The following CACNB2 variants were observed in gnomAD, a reference collection of about 807,000 sequenced individuals.
The protein encoded by CACNB2 is calcium voltage-gated channel auxiliary subunit beta 2, also known as voltage-dependent L-type calcium channel subunit beta-2.
A neutral mutation model predicts 73.3 loss-of-function variants in CACNB2; 42 were observed. The observed-to-expected ratio is 0.57, with a 90% confidence interval of 0.45 to 0.74. CACNB2 has a LOEUF of 0.74. Ranked by LOEUF, CACNB2 falls within the 30% of genes least tolerant of loss-of-function variation. The probability of loss-of-function intolerance (pLI) is 0.00; values close to 1 mark genes in which losing one functional copy is unlikely to be tolerated. For missense variants in CACNB2, 940 were observed against 853.0 expected (o/e 1.10, Z -1.27); for synonymous variants, 348 against 310.3 (o/e 1.12, Z -1.28).
At chr10:18,495,774 G>A (rs1432497980) in intron 3 of CACNB2, among the ~76,000 whole-genome samples, 1 of 151,948 alleles carries the variant, frequency 6.6e-6, no homozygotes, top group Non-Finnish European at 1.5e-5. Context: ...TGGATGAAAT[G>A]CAATATGTTA....
chr10:18,269,330 A>G (rs1195888062), intron 2 of CACNB2, among the ~76,000 whole-genome samples: 1 of 152,170 alleles, frequency 6.6e-6, no homozygotes, highest in Non-Finnish European at 1.5e-5. Flanking sequence ...CCCACTGTCT[A>G]AAACACTTTT....
intron 3 of CACNB2, among the ~76,000 whole-genome samples, chr10:18,445,942 G>A (rs1300706990): frequency 6.6e-6 from 1 of 152,202 alleles, no homozygotes; most frequent in East Asian, 1.9e-4. Context: ...GCTGAGGCAG[G>A]AGAATCGCTT....
intron 3 of CACNB2, among the ~76,000 whole-genome samples, chr10:18,405,770 C>T (rs548972833): frequency 2.9e-4 from 44 of 152,130 alleles, no homozygotes; most frequent in African/African-American, 9.9e-4. Flanking sequence ...CCAGCTTGGG[C>T]AACATGGTGA....
intron 2 of CACNB2, among the ~76,000 whole-genome samples, chr10:18,274,544 A>G (rs536232906): frequency 1.3e-5 from 2 of 152,310 alleles, no homozygotes; most frequent in South Asian, 4.1e-4. Context: ...AGAGGGTCAG[A>G]ACTTCTCTAT....
intron 2 of CACNB2, among the ~76,000 whole-genome samples, chr10:18,270,992 A>T (rs1487511811): frequency 1.3e-5 from 2 of 151,876 alleles, no homozygotes; most frequent in African/African-American, 2.4e-5. Context: ...GTTTTGGGGG[A>T]TGGGGGTAAT....
chr10:18,376,223 A>G (rs1926027), intron 2 of CACNB2, among the ~76,000 whole-genome samples: 151,453 of 152,322 alleles, frequency 0.99, 75,323 homozygotes, highest in Middle Eastern at 1. Flanking sequence ...GTTATGTTAA[A>G]TGAAATAAAC....
intron 9 of CACNB2, among the ~76,000 whole-genome samples, chr10:18,521,942 G>T (rs2051932676): frequency 6.6e-6 from 1 of 152,158 alleles, no homozygotes; most frequent in Non-Finnish European, 1.5e-5. Flanking sequence ...CCTGCTAGGG[G>T]CCACACAGCA....
At chr10:18,245,787 T>C (rs1259273263) in intron 2 of CACNB2, among the ~76,000 whole-genome samples, 2 of 152,096 alleles carry the variant, frequency 1.3e-5, no homozygotes, top group African/African-American at 4.8e-5. Context: ...TAATCAGAGA[T>C]TCAGAGTCCT....
intron 2 of CACNB2, among the ~76,000 whole-genome samples, chr10:18,180,217 G>T (rs1240166509): frequency 6.6e-6 from 1 of 152,100 alleles, no homozygotes; most frequent in East Asian, 1.9e-4. Context: ...ACTGTAGCAG[G>T]CTGGAGGGGA....
chr10:18,415,759 G>A (rs1279758842), intron 3 of CACNB2, among the ~76,000 whole-genome samples: 3 of 152,130 alleles, frequency 2.0e-5, no homozygotes, highest in Non-Finnish European at 4.4e-5. Flanking sequence ...AATGGCCCAA[G>A]CATTTTTTCA....
chr10:18,393,929 G>A (rs1337654804), intron 2 of CACNB2, among the ~76,000 whole-genome samples: 1 of 152,044 alleles, frequency 6.6e-6, no homozygotes, highest in Non-Finnish European at 1.5e-5. Flanking sequence ...TGCCTTTTTG[G>A]AAAGATAAAA....
At chr10:18,209,903 A>G (rs1307454576) in intron 2 of CACNB2, among the ~76,000 whole-genome samples, 1 of 152,228 alleles carries the variant, frequency 6.6e-6, no homozygotes, top group African/African-American at 2.4e-5. Flanking sequence ...TAGTTCAGAT[A>G]GTTTGTCATT....
chr10:18,261,630 C>G (rs899508930), intron 2 of CACNB2, among the ~76,000 whole-genome samples: 8 of 152,164 alleles, frequency 5.3e-5, no homozygotes, highest in Non-Finnish European at 7.3e-5. Context: ...TTGATACTCT[C>G]TTTTACCTAG....
At chr10:18,215,342 C>T (rs1002091414) in intron 2 of CACNB2, among the ~76,000 whole-genome samples, 10 of 152,130 alleles carry the variant, frequency 6.6e-5, no homozygotes, top group African/African-American at 1.2e-4. Context: ...GCGGGTCTGA[C>T]GGTGAGACCA....
At chr10:18,420,102 C>G (rs992360608) in intron 3 of CACNB2, among the ~76,000 whole-genome samples, 2 of 152,278 alleles carry the variant, frequency 1.3e-5, no homozygotes, top group African/African-American at 4.8e-5. Context: ...CCTTATCTGG[C>G]CTTTGTTCAA....
Position 18,374,200 on chromosome 10 carries a change from A to G in CACNB2, c.214-27724A>G, listed in dbSNP as rs74395904. ...CAGAGCACTGGATGAGCAAGAAAAGATTTGAACATGAGGTGTTGCCTCTGA... is the reference window on the plus strand; with the variant it reads ...CAGAGCACTGGATGAGCAAGAAAAGGTTTGAACATGAGGTGTTGCCTCTGA... On this transcript the variant is annotated intron_variant, in intron 2 of 13. Transcript: ENST00000324631. Among the ~76,000 whole-genome samples, 89 of 152,358 alleles carry G rather than the reference A, an allele frequency of 5.8e-4. 2 individuals are homozygous for G. In the East Asian group the frequency reaches 0.016, roughly 28 times the overall value.
chr10:18,316,826 C>A (rs1349496063), intron 2 of CACNB2, among the ~76,000 whole-genome samples: 1 of 152,166 alleles, frequency 6.6e-6, no homozygotes, highest in Non-Finnish European at 1.5e-5. Context: ...CCTCCAGGTT[C>A]TCTGTCCTTT....
intron 2 of CACNB2, among the ~76,000 whole-genome samples, chr10:18,218,516 C>T (rs2035602123): frequency 6.6e-6 from 1 of 152,274 alleles, no homozygotes; most frequent in Non-Finnish European, 1.5e-5. Flanking sequence ...CACTGCCATT[C>T]AATTAGCTGT....
At chr10:18,231,456 G>A (rs1187975719) in intron 2 of CACNB2, among the ~76,000 whole-genome samples, 1 of 152,230 alleles carries the variant, frequency 6.6e-6, no homozygotes, top group Non-Finnish European at 1.5e-5. Context: ...TGGGATTACA[G>A]GCATGAGCCA....
Sources: gnomAD v4.1 joint callset for allele counts (sites outside exome capture counted in the v4.1 genomes callset) on GRCh38, gnomAD v4.1.1 for gene constraint, MANE v1.5 for transcripts, NCBI Gene and HGNC (gene_info 2026-07-23, HGNC 2026-07-21) for gene names.